The following ADAMTS17 variants were observed in gnomAD, a reference collection of about 807,000 sequenced individuals.
ADAMTS17 encodes the protein ADAM metallopeptidase with thrombospondin type 1 motif 17, also known as A disintegrin and metalloproteinase with thrombospondin motifs 17.
In ADAMTS17, 113 loss-of-function variants were observed where a neutral mutation model predicts 141.5. The ratio of observed to expected loss-of-function variants is 0.80; its 90% confidence interval spans 0.69 to 0.93. The LOEUF (loss-of-function observed/expected upper bound fraction) is 0.93, where lower values mean the gene tolerates loss of function less well. ADAMTS17 is among the 40% of genes least tolerant of loss of function. The pLI is 0.00. For synonymous variants in ADAMTS17, 768 were observed against 630.6 expected (o/e 1.22, Z -3.27); for missense variants, 1,659 against 1,517.9 (o/e 1.09, Z -1.54).
intron 10 of ADAMTS17, among the ~76,000 whole-genome samples, chr15:100,136,712 T>C (rs543806034): frequency 1.4e-4 from 21 of 152,296 alleles, no homozygotes; most frequent in South Asian, 6.2e-4. Flanking sequence ...TAAAGTGATG[T>C]AAAAGAAAGG....
rs77673064 is a variant in ADAMTS17 at position 100,141,618 on chromosome 15, T to C, written c.1474-8303A>G. On this transcript the variant is annotated intron_variant, in intron 10 of 21. Transcript: ENST00000268070. ...GCTTCCTGAGTCCTGGGAGGGCCAC[T>C]CCTTCCATGTTCCTGAGGGCTACAG... Among the ~76,000 whole-genome samples, 214 of 152,254 alleles carry C rather than the reference T, an allele frequency of 1.4e-3. 4 individuals are homozygous for C. In the East Asian group the frequency reaches 0.034, roughly 24 times the overall value.
intron 18 of ADAMTS17, among the ~76,000 whole-genome samples, chr15:100,011,817 G>A (rs541601923): frequency 2.0e-5 from 3 of 152,214 alleles, no homozygotes; most frequent in Non-Finnish European, 4.4e-5. Flanking sequence ...ATTTGGGTAG[G>A]TTCCAAGATT....
intron 2 of ADAMTS17, among the ~76,000 whole-genome samples, chr15:100,332,170 C>T (rs2046073504): frequency 6.6e-6 from 1 of 152,160 alleles, no homozygotes; most frequent in Admixed American, 6.5e-5. Context: ...ATTTTACTGC[C>T]CAAATAAAAC....
chr15:100,062,232 G>A (rs886074377), intron 15 of ADAMTS17, among the ~76,000 whole-genome samples: 6 of 152,172 alleles, frequency 3.9e-5, no homozygotes, highest in Non-Finnish European at 7.3e-5. Context: ...CTCCAGGGAT[G>A]TCAAGGTCTT....
Position 100,331,173 on chromosome 15 carries a change from G to A in ADAMTS17, c.451-119C>T, listed in dbSNP as rs972683848. 16 of 1,298,710 alleles carry A rather than the reference G, an allele frequency of 1.2e-5. No homozygotes were observed. The East Asian group carries it at 1.3e-4, about 10-fold the overall frequency. 80.4% of individuals were successfully genotyped at this position (1,298,710 alleles called of 1,614,324 possible). On this transcript the variant is annotated intron_variant, in intron 2 of 21. Transcript: ENST00000268070. The stretch of plus-strand genomic sequence containing the variant: ...GATTTGGTTTTCCAGGTCTGGGCTC[G>A]TTTCTTTGCAGATTGGTCAGATTTA...
At chr15:100,304,808 AT>A (rs2045166634) in intron 3 of ADAMTS17, among the ~76,000 whole-genome samples, 1 of 152,048 alleles carries the variant, frequency 6.6e-6, no homozygotes, top group Non-Finnish European at 1.5e-5. Flanking sequence ...TTATACATGG[AT>A]TTTCACCTCT....
intron 7 of ADAMTS17, among the ~76,000 whole-genome samples, chr15:100,245,107 C>T (rs2042947609): frequency 6.6e-6 from 1 of 152,182 alleles, no homozygotes; most frequent in African/African-American, 2.4e-5. Flanking sequence ...ACCGAGAGAA[C>T]AAGAGACACT....
intron 18 of ADAMTS17, among the ~76,000 whole-genome samples, chr15:100,012,763 A>G (rs1303395193): frequency 1.3e-5 from 2 of 152,192 alleles, no homozygotes; most frequent in African/African-American, 4.8e-5. Context: ...TTATACCAGT[A>G]CCATGCTGTT....
At chr15:100,111,019 G>A (rs541672093) in intron 13 of ADAMTS17, among the ~76,000 whole-genome samples, 3 of 152,334 alleles carry the variant, frequency 2.0e-5, no homozygotes, top group Admixed American at 2.0e-4. Context: ...CCAGGAGTGT[G>A]CTGGAAATGC....
At position 100,154,980 on chromosome 15, in the gene ADAMTS17, C is replaced by T. The variant is rs146164696; in HGVS notation, c.1322+200G>A. Among the ~76,000 whole-genome samples, 44 of 152,346 alleles carry T rather than the reference C, an allele frequency of 2.9e-4. No homozygotes were observed. The East Asian group carries it at 7.7e-3, about 27-fold the overall frequency. ...AATTACGTAATGATCACCCACTGTG[C>T]GCCCATCGCTGGAGCAGATGCGCAT... On this transcript the variant is annotated intron_variant, in intron 9 of 21. Coordinates refer to ENST00000268070, the MANE Select transcript of ADAMTS17 (RefSeq NM_139057.4).
At chr15:99,987,702 G>T (rs2060618179) in intron 20 of ADAMTS17, among the ~76,000 whole-genome samples, 1 of 152,178 alleles carries the variant, frequency 6.6e-6, no homozygotes, top group South Asian at 2.1e-4. Flanking sequence ...CAGGGAGTAA[G>T]GACATGGGGT....
At chr15:100,082,070 T>C (rs191537081) in intron 15 of ADAMTS17, among the ~76,000 whole-genome samples, 1 of 152,312 alleles carries the variant, frequency 6.6e-6, no homozygotes, top group East Asian at 1.9e-4. Flanking sequence ...ATTGATTTTT[T>C]TGTTTTCTTT....
rs117738319 is a variant in ADAMTS17 at position 100,189,477 on chromosome 15, C to T, written c.1181+9841G>A. ...CATGTGCCACAAAGCTTCACAGGCC[C>T]TTTATTAATTCAGGTGCTCCCCAGA... is the stretch of plus-strand genomic sequence containing the variant. On this transcript the variant is annotated intron_variant, in intron 8 of 21. Transcript: ENST00000268070. Among the ~76,000 whole-genome samples, 7 of 152,298 alleles carry T rather than the reference C, an allele frequency of 4.6e-5. No homozygotes were observed. The East Asian group carries it at 1.4e-3, about 29-fold the overall frequency.
rs2060259461 is a variant in ADAMTS17 at position 99,973,721 on chromosome 15, C to T, written c.*681G>A. On this transcript the variant is annotated 3_prime_UTR_variant, in exon 22 of 22. Transcript: ENST00000268070. ...CAAACCCAGACTCTCTTGGAACATT[C>T]TTCCCATGCGGGTGGTATGAACTGC... is the stretch of plus-strand genomic sequence containing the variant. 1 of 156,500 alleles carries T rather than the reference C, an allele frequency of 6.4e-6. No homozygotes were observed. Among genetic ancestry groups the T allele is most frequent in the South Asian group, 2.0e-4 (1 of 5,078 alleles). 9.7% of individuals were successfully genotyped at this position (156,500 alleles called of 1,614,324 possible).
At chr15:100,175,417 T>G (rs564628880) in intron 8 of ADAMTS17, among the ~76,000 whole-genome samples, 4 of 152,122 alleles carry the variant, frequency 2.6e-5, no homozygotes, top group African/African-American at 9.7e-5. Flanking sequence ...ACTGAGGCAG[T>G]AGAGCGCTCA....
intron 3 of ADAMTS17, among the ~76,000 whole-genome samples, chr15:100,320,701 C>G (rs769852839): frequency 2.0e-5 from 3 of 152,040 alleles, no homozygotes. Flanking sequence ...GGTGTGGTGG[C>G]GCATGCCTGT....
At chr15:100,128,056 TAA>T (rs1299942967) in intron 12 of ADAMTS17, among the ~76,000 whole-genome samples, 1 of 152,068 alleles carries the variant, frequency 6.6e-6, no homozygotes, top group Non-Finnish European at 1.5e-5. Context: ...AGAAAGGATA[TAA>T]GAGGAAACTG....
chr15:100,236,283 T>TTAAA (rs375249639), intron 7 of ADAMTS17, among the ~76,000 whole-genome samples: 7 of 128,484 alleles, frequency 5.4e-5, no homozygotes, highest in Middle Eastern at 4.5e-3. Context: ...CCCACGACAT[T>TTAAA]AAAAAAAAAA....
intron 14 of ADAMTS17, among the ~76,000 whole-genome samples, chr15:100,108,264 C>T (rs1353771432): frequency 1.3e-5 from 2 of 152,008 alleles, no homozygotes; most frequent in East Asian, 1.9e-4. Flanking sequence ...CTCCGTCTCC[C>T]AGGTTCAAGC....
Sources: gnomAD v4.1 joint callset for allele counts (sites outside exome capture counted in the v4.1 genomes callset) on GRCh38, gnomAD v4.1.1 for gene constraint, MANE v1.5 for transcripts, NCBI Gene and HGNC (gene_info 2026-07-23, HGNC 2026-07-21) for gene names.